Variants in PTPRQ observed in about 807,000 individuals in gnomAD.
The protein encoded by PTPRQ is protein tyrosine phosphatase receptor type Q.
PTPRQ carries 199 observed loss-of-function variants against 246.0 expected under a neutral mutation model. The ratio of observed to expected loss-of-function variants is 0.81; its 90% CI spans 0.72 to 0.91. The LOEUF is 0.91. Among genes scored for constraint, PTPRQ ranks in the 40% least tolerant of loss-of-function variants. PTPRQ has a pLI of 0.00. For missense variants in PTPRQ, 2,624 were observed against 2,528.4 expected, an observed-to-expected ratio of 1.04 and a Z score of -0.81; for synonymous variants, 869 against 853.2, an observed-to-expected ratio of 1.02 and a Z score of -0.32.
Position 80,496,547 on chromosome 12 carries a change from C to A in PTPRQ, c.2272+16C>A. The A allele has an allele frequency of 1.8e-6, 2 of 1,104,556 alleles. No homozygotes were observed. Among genetic ancestry groups the A allele is most frequent in the South Asian group, 1.5e-5 (1 of 66,622 alleles). 68.4% of individuals were successfully genotyped at this position (1,104,556 alleles called of 1,614,324 possible). A position where few individuals can be genotyped will look rare whatever the true frequency, so the allele number is the denominator to read the frequency against. The stretch of plus-strand genomic sequence containing the variant: ...TCGGAGACTGGTGAGCTTTTGTTTT[C>A]TTTGTTTGTTTAATAATACACAGTG... On this transcript the variant is annotated intron_variant, in intron 14 of 44. Coordinates refer to ENST00000644991, the MANE Select transcript of PTPRQ (RefSeq NM_001145026.2).
At chr12:80,596,950 A>G (rs1897989256) in intron 26 of PTPRQ, among the ~76,000 whole-genome samples, 1 of 151,998 alleles carries the variant, frequency 6.6e-6, no homozygotes, top group Admixed American at 6.6e-5. Flanking sequence ...AGTACTTAAA[A>G]CATTGATTCA....
At position 80,445,483 on chromosome 12, in the gene PTPRQ, A is replaced by T. The variant is rs1892523613; in HGVS notation, c.164-8A>T. On this transcript the variant is annotated splice_polypyrimidine_tract_variant and splice_region_variant and intron_variant, in intron 2 of 44. Coordinates refer to ENST00000644991, the MANE Select transcript of PTPRQ (RefSeq NM_001145026.2). Reference sequence around the variant, plus strand: ...GACCTTTTAACAAAATGGATTTTTTAAAAATAGAACCAGGGCCTCCAGTCT... The same window carrying T: ...GACCTTTTAACAAAATGGATTTTTTTAAAATAGAACCAGGGCCTCCAGTCT... 2 of 1,493,292 alleles carry T rather than the reference A, an allele frequency of 1.3e-6. No homozygotes were observed. The highest frequency in any genetic ancestry group is 1.4e-5 in the African/African-American group (1 of 70,606). The allele number at this position is 1,493,292 out of a possible 1,614,324, so 92.5% of individuals were successfully genotyped here.
intron 27 of PTPRQ, among the ~76,000 whole-genome samples, chr12:80,605,471 G>C (rs1898283146): frequency 6.6e-6 from 1 of 151,144 alleles, no homozygotes; most frequent in South Asian, 2.1e-4. Context: ...TCAGTGTATA[G>C]AATGTGTATA....
In PTPRQ at chr12:80,552,645, T is replaced by TTATATA. The variant is rs71094985; in HGVS notation, c.4285+2955_4285+2960dup. 5.4e-3 allele frequency among the ~76,000 whole-genome samples: 411 copies of TTATATA among 76,338 alleles called. 7 individuals are homozygous for TTATATA. The highest frequency in any genetic ancestry group is 0.01 in the Middle Eastern group (1 of 100). 50.1% of individuals were successfully genotyped at this position (76,338 alleles called of 152,430 possible). ...TCCAGGTCTTTGTAAAAAAAAAAAA[T>TTATATA]TATATATATATATATATATATATAT... On this transcript the variant is annotated intron_variant, in intron 25 of 44. Coordinates refer to ENST00000644991, the MANE Select transcript of PTPRQ (RefSeq NM_001145026.2).
intron 2 of PTPRQ, among the ~76,000 whole-genome samples, chr12:80,445,206 G>A (rs1892514743): frequency 6.6e-6 from 1 of 151,850 alleles, no homozygotes; most frequent in South Asian, 2.1e-4. Context: ...GTTTTTCTGT[G>A]TAAGCCTTGC....
Position 80,604,783 on chromosome 12 carries a change from C to T in PTPRQ, c.4610-276C>T, listed in dbSNP as rs552375961. Among the ~76,000 whole-genome samples the T allele has an allele frequency of 6.6e-5, 10 of 151,468 alleles. No individual in the cohort carries two copies. In the South Asian group the frequency reaches 2.1e-3, roughly 31 times the overall value. On this transcript the variant is annotated intron_variant, in intron 26 of 44. Coordinates refer to ENST00000644991, the MANE Select transcript of PTPRQ (RefSeq NM_001145026.2). ...AAGGTTTACTTTAGCAATAGTAATG[C>T]TTTCCTTTCAAAATATTATTTCAAG...
chr12:80,613,206 G>A (rs186298688), intron 28 of PTPRQ, among the ~76,000 whole-genome samples: 1 of 150,620 alleles, frequency 6.6e-6, no homozygotes, highest in Admixed American at 6.6e-5. Context: ...TATTACCAAT[G>A]GGGAAAACTG....
chr12:80,645,245 T>A (rs953568965), intron 35 of PTPRQ, among the ~76,000 whole-genome samples: 1 of 152,102 alleles, frequency 6.6e-6, no homozygotes, highest in African/African-American at 2.4e-5. Flanking sequence ...CCTAACAAAG[T>A]ACACCTGTTA....
chr12:80,561,178 T>C (rs1468416119), intron 25 of PTPRQ: 1 of 152,206 alleles, frequency 6.6e-6, no homozygotes, highest in Non-Finnish European at 1.5e-5. Flanking sequence ...TATCCCAACT[T>C]GTCAGAGAGG....
intron 17 of PTPRQ, among the ~76,000 whole-genome samples, chr12:80,514,760 T>C (rs781055633): frequency 7.5e-5 from 11 of 146,470 alleles, no homozygotes; most frequent in African/African-American, 2.7e-4. Context: ...TATATAATTA[T>C]TACATATTAT....
chr12:80,561,631 T>G (rs1251495955), intron 25 of PTPRQ: 2 of 152,222 alleles, frequency 1.3e-5, no homozygotes, highest in Non-Finnish European at 2.9e-5. Flanking sequence ...GGCTTCTCGG[T>G]GGTATTCAAA....
intron 26 of PTPRQ, among the ~76,000 whole-genome samples, chr12:80,592,199 C>T (rs757492599): frequency 6.6e-5 from 10 of 152,092 alleles, no homozygotes; most frequent in African/African-American, 1.4e-4. Context: ...TTTTCAACTT[C>T]GTGATAACAA....
chr12:80,591,311 T>G (rs186744794), intron 26 of PTPRQ, among the ~76,000 whole-genome samples: 1 of 151,908 alleles, frequency 6.6e-6, no homozygotes, highest in African/African-American at 2.4e-5. Context: ...ACAATTTTGA[T>G]AGAGATGAGG....
intron 33 of PTPRQ, 66 bp from the exon 34 acceptor site, chr12:80,632,126 G>T: frequency 6.7e-7 from 1 of 1,499,162 alleles, no homozygotes; most frequent in Admixed American, 2.3e-5. Flanking sequence ...ATATTTTTTG[G>T]TAGTTTGGGA....
At chr12:80,478,015 G>C (rs1052748997) in intron 8 of PTPRQ, among the ~76,000 whole-genome samples, 1 of 152,198 alleles carries the variant, frequency 6.6e-6, no homozygotes, top group African/African-American at 2.4e-5. Flanking sequence ...GCTCCAACTG[G>C]GTGGAGCCCA....
intron 39 of PTPRQ, 87 bp from the exon 40 acceptor site, chr12:80,668,919 AC>A (rs1221762547): frequency 8.1e-6 from 11 of 1,365,692 alleles, no homozygotes; most frequent in South Asian, 4.3e-5. Flanking sequence ...TAATTTTACA[AC>A]CAGCATATGT....
intron 25 of PTPRQ, among the ~76,000 whole-genome samples, chr12:80,567,423 CA>C: frequency 6.6e-6 from 1 of 152,298 alleles, no homozygotes; most frequent in East Asian, 1.9e-4. Context: ...TGAGTTTTGA[CA>C]AGGGCATACA....
intron 43 of PTPRQ, among the ~76,000 whole-genome samples, 163 bp from the exon 44 acceptor site, chr12:80,678,439 T>C (rs543971874): frequency 6.6e-6 from 1 of 152,248 alleles, no homozygotes; most frequent in African/African-American, 2.4e-5. Flanking sequence ...AGCCTCCTAT[T>C]TGAAATGGTA....
chr12:80,465,919 G>A (rs548837247), intron 6 of PTPRQ, among the ~76,000 whole-genome samples: 15 of 152,132 alleles, frequency 9.9e-5, no homozygotes, highest in East Asian at 9.7e-4. Context: ...GGCAAAAACT[G>A]GAAGCATTCC....
Sources: gnomAD v4.1 joint callset for allele counts (sites outside exome capture counted in the v4.1 genomes callset) on GRCh38, gnomAD v4.1.1 for gene constraint, MANE v1.5 for transcripts, NCBI Gene and HGNC (gene_info 2026-07-23, HGNC 2026-07-21) for gene names.